SIPA1L2: variants seen among roughly 807,000 people sequenced by gnomAD.
The protein encoded by SIPA1L2 is signal-induced proliferation-associated 1-like protein 2.
Under a neutral mutation model 163.9 loss-of-function variants are expected in SIPA1L2, and 56 were observed. The ratio of observed to expected loss-of-function variants is 0.34; its 90% CI spans 0.28 to 0.43. The LOEUF is 0.43. SIPA1L2 is among the 20% of genes least tolerant of loss of function. The pLI is 1.00. For missense variants in SIPA1L2, 1,974 were observed against 2,193.5 expected, an observed-to-expected ratio of 0.90 and a Z score of 2.00; for synonymous variants, 877 against 865.7, an observed-to-expected ratio of 1.01 and a Z score of -0.23.
intron 18 of SIPA1L2, among the ~76,000 whole-genome samples, chr1:232,418,758 T>G (rs1479744554): frequency 6.6e-6 from 1 of 152,224 alleles, no homozygotes; most frequent in Non-Finnish European, 1.5e-5. Flanking sequence ...TTTTCTTTAT[T>G]ACAAAATATT....
intron 1 of SIPA1L2, among the ~76,000 whole-genome samples, chr1:232,594,356 A>T (rs1176513001): frequency 6.6e-6 from 1 of 152,180 alleles, no homozygotes; most frequent in Non-Finnish European, 1.5e-5. Context: ...CTAAGGAGAG[A>T]GTAAAAACAA....
intron 1 of SIPA1L2, among the ~76,000 whole-genome samples, chr1:232,593,923 C>T (rs1267011252): frequency 6.6e-6 from 1 of 152,204 alleles, no homozygotes; most frequent in Non-Finnish European, 1.5e-5. Flanking sequence ...CTAAATGGCC[C>T]AGCCTCAAAG....
intron 15 of SIPA1L2, 134 bp downstream of exon 15, chr1:232,438,974 G>T: frequency 1.2e-6 from 1 of 852,434 alleles, no homozygotes; most frequent in African/African-American, 1.7e-5. Context: ...TTCCTCTGAT[G>T]TCAGACAGCT....
At chr1:232,494,811 G>C (rs565427438) in intron 3 of SIPA1L2, among the ~76,000 whole-genome samples, 80 of 152,186 alleles carry the variant, frequency 5.3e-4, no homozygotes, top group Non-Finnish European at 1.1e-3. Context: ...TCATTCATGT[G>C]AGCAGGTGGT....
chr1:232,488,215 A>C (rs1665748354), intron 5 of SIPA1L2, among the ~76,000 whole-genome samples: 1 of 152,190 alleles, frequency 6.6e-6, no homozygotes, highest in South Asian at 2.1e-4. Flanking sequence ...GGCCTTCCAA[A>C]GTGCTGAGAT....
At chr1:232,577,298 A>C (rs1053174293) in intron 1 of SIPA1L2, among the ~76,000 whole-genome samples, 3 of 152,224 alleles carry the variant, frequency 2.0e-5, no homozygotes, top group Admixed American at 6.5e-5. Context: ...ATTGAAACCA[A>C]GTGCTCAGAA....
At chr1:232,407,514 CTT>C (rs1660711203) in intron 19 of SIPA1L2, among the ~76,000 whole-genome samples, 1 of 152,174 alleles carries the variant, frequency 6.6e-6, no homozygotes, top group Admixed American at 6.5e-5. Flanking sequence ...AAGATACAGA[CTT>C]TGAATTTTTG....
chr1:232,516,375 T>C (rs1667220313), intron 2 of SIPA1L2, among the ~76,000 whole-genome samples: 1 of 152,218 alleles, frequency 6.6e-6, no homozygotes, highest in Admixed American at 6.5e-5. Context: ...GATTTGATAA[T>C]AGCCTAAACT....
chr1:232,537,460 C>T (rs1657380128), intron 2 of SIPA1L2, among the ~76,000 whole-genome samples: 1 of 151,620 alleles, frequency 6.6e-6, no homozygotes, highest in African/African-American at 2.4e-5. Context: ...ATAGTGCCCA[C>T]ATTAAAAATA....
At position 232,608,960 on chromosome 1, in the gene SIPA1L2, C is replaced by T. The variant is rs192105606; in HGVS notation, c.-319+20909G>A. Among the ~76,000 whole-genome samples, 98 of 151,580 alleles carry T rather than the reference C, an allele frequency of 6.5e-4. 1 individual carries two copies. Among genetic ancestry groups the T allele is most frequent in the Middle Eastern group, 6.8e-3 (2 of 294 alleles). On this transcript the variant is annotated intron_variant, in intron 1 of 22. Transcript: ENST00000674635. The stretch of plus-strand genomic sequence containing the variant: ...AGTCAAACACGTATCTAATATTAAC[C>T]GACATCCCCTCCTTTAGAAAAGAAT...
rs1266837520 is a variant in SIPA1L2, at chr1:232,425,913, C to CT, written c.4411-106dup. 6 of 1,012,786 alleles carry CT rather than the reference C, an allele frequency of 5.9e-6. No homozygotes were observed. The East Asian group carries it at 7.9e-5, about 13-fold the overall frequency. 62.7% of individuals were successfully genotyped at this position (1,012,786 alleles called of 1,614,324 possible). On this transcript the variant is annotated intron_variant, in intron 17 of 22. Coordinates refer to ENST00000674635, the MANE Select transcript of SIPA1L2 (RefSeq NM_020808.5). The stretch of plus-strand genomic sequence containing the variant: ...GTTTCACATACTATTGTGATAGCTT[C>CT]TTTGAGTTTTCTCTGTTAGCTCAAG...
intron 2 of SIPA1L2, among the ~76,000 whole-genome samples, chr1:232,552,218 C>T (rs1015752790): frequency 2.4e-4 from 36 of 152,028 alleles, no homozygotes; most frequent in Admixed American, 2.3e-3. Flanking sequence ...AAAGAGCAAC[C>T]GGTGATTAAA....
In SIPA1L2 at chr1:232,513,948, G is replaced by A; in HGVS notation, c.1392C>T (p.Asn464=). 1 of 1,614,188 alleles carries A rather than the reference G, an allele frequency of 6.2e-7. No individual in the cohort carries two copies. The highest frequency in any genetic ancestry group is 8.5e-7 in the Non-Finnish European group (1 of 1,180,034). Residue 464 remains asparagine, a synonymous_variant, in exon 3 of 23, where the codon AAC becomes AAT. Transcript: ENST00000674635. The part of the protein sequence containing the change: ...GVSVLEVPRE[N]QPIHREKVKR... ...TCACTTTCTCCCTGTGAATAGGCTG[G>A]TTTTCTCTGGGCACTTCCAAGACGG...
chr1:232,444,838 G>T (rs1663115007), intron 11 of SIPA1L2, among the ~76,000 whole-genome samples: 1 of 152,184 alleles, frequency 6.6e-6, no homozygotes, highest in Admixed American at 6.5e-5. Flanking sequence ...ACCAGAGCCT[G>T]ACAAGTCATA....
At chr1:232,593,270 T>G (rs56404849) in intron 1 of SIPA1L2, among the ~76,000 whole-genome samples, 24,759 of 152,126 alleles carry the variant, frequency 0.16, 2,153 homozygotes, top group Middle Eastern at 0.25. Flanking sequence ...TCTGGTCAAT[T>G]CCTGTTTAAC....
intron 3 of SIPA1L2, among the ~76,000 whole-genome samples, chr1:232,501,556 T>C (rs1666482832): frequency 3.3e-5 from 5 of 152,160 alleles, no homozygotes; most frequent in South Asian, 4.2e-4. Flanking sequence ...GAGCACCTCA[T>C]TGTGTTGACT....
intron 7 of SIPA1L2, among the ~76,000 whole-genome samples, chr1:232,473,761 A>T (rs1664908332): frequency 6.6e-6 from 1 of 152,208 alleles, no homozygotes; most frequent in Non-Finnish European, 1.5e-5. Flanking sequence ...CACATAATGC[A>T]CTTTGTAGAA....
chr1:232,479,887 G>A (rs1432200014), intron 6 of SIPA1L2, among the ~76,000 whole-genome samples, 157 bp from the exon 7 acceptor site: 5 of 152,166 alleles, frequency 3.3e-5, no homozygotes, highest in African/African-American at 9.7e-5. Flanking sequence ...ATCAAGCACT[G>A]TTTCTACCAC....
At chr1:232,577,882 AC>A (rs1660162840) in intron 1 of SIPA1L2, among the ~76,000 whole-genome samples, 1 of 152,212 alleles carries the variant, frequency 6.6e-6, no homozygotes, top group Non-Finnish European at 1.5e-5. Context: ...TTAGGAAATT[AC>A]ATAAACTTGG....
Sources: gnomAD v4.1 joint callset for allele counts (sites outside exome capture counted in the v4.1 genomes callset) on GRCh38, gnomAD v4.1.1 for gene constraint, MANE v1.5 for transcripts, NCBI Gene and HGNC (gene_info 2026-07-23, HGNC 2026-07-21) for gene names.